Variants in AGPAT4 observed in about 807,000 individuals in gnomAD.
The protein encoded by AGPAT4 is 1-acyl-sn-glycerol-3-phosphate acyltransferase delta.
Under a neutral mutation model 48.0 loss-of-function variants are expected in AGPAT4, and 15 were observed. The ratio of observed to expected loss-of-function variants is 0.31; its 90% CI spans 0.21 to 0.48. The LOEUF is 0.48. AGPAT4 is among the 20% of genes least tolerant of loss of function. AGPAT4 has a pLI of 0.99. For synonymous variants in AGPAT4, 178 were observed against 198.7 expected (o/e 0.90, Z 0.88); for missense variants, 314 against 482.5 (o/e 0.65, Z 3.27).
rs1283386697 is a variant in AGPAT4, at chr6:161,140,123, C to T, written c.844-503G>A. 1.3e-5 allele frequency among the ~76,000 whole-genome samples: 2 copies of T among 152,364 alleles called. No individual in the cohort carries two copies. Among genetic ancestry groups the T allele is most frequent in the Non-Finnish European group, 2.9e-5 (2 of 68,034 alleles). On this transcript the variant is annotated intron_variant, in intron 7 of 8. Transcript: ENST00000320285. The surrounding 1 kb of genome is among the most constrained non-coding windows in gnomAD (Gnocchi z 6.5). Reference sequence around the variant, plus strand: ...ACATGCCCCGCCTTCCCGGCCTCCACAGCCAGTTCACCTCGGGCAGCCCAC... The same window carrying T: ...ACATGCCCCGCCTTCCCGGCCTCCATAGCCAGTTCACCTCGGGCAGCCCAC...
intron 3 of AGPAT4, among the ~76,000 whole-genome samples, chr6:161,163,292 G>A (rs1779990301): frequency 6.6e-6 from 1 of 152,174 alleles, no homozygotes; most frequent in Admixed American, 6.5e-5. Flanking sequence ...GCCTGGTCAG[G>A]AACCTTCTTC....
chr6:161,265,696 G>C (rs1783240205), intron 1 of AGPAT4, among the ~76,000 whole-genome samples: 1 of 152,136 alleles, frequency 6.6e-6, no homozygotes, highest in Admixed American at 6.5e-5. Flanking sequence ...CTTAGCTGGT[G>C]GGTGGGGAGG....
chr6:161,167,768 T>C, intron 2 of AGPAT4, among the ~76,000 whole-genome samples: 1 of 152,224 alleles, frequency 6.6e-6, no homozygotes, highest in Non-Finnish European at 1.5e-5. Context: ...CAGTGAGCAC[T>C]GCGGGACTTT....
At chr6:161,163,510 C>T (rs1386982578) in intron 3 of AGPAT4, among the ~76,000 whole-genome samples, 1 of 152,184 alleles carries the variant, frequency 6.6e-6, no homozygotes, top group Non-Finnish European at 1.5e-5. Context: ...CCAGCCATCT[C>T]ACCCACCGTC....
rs1779076185 is a variant in AGPAT4 at position 161,136,645 on chromosome 6, A to G, written c.1043-11T>C. Reference sequence around the variant, plus strand: ...GAACTCCCACGGAGGCTGCAGAGACAAGGAGAGCAGAGTTAGGAGTAGCCC... The same window carrying G: ...GAACTCCCACGGAGGCTGCAGAGACGAGGAGAGCAGAGTTAGGAGTAGCCC... On this transcript the variant is annotated splice_polypyrimidine_tract_variant and intron_variant, in intron 8 of 8. Transcript: ENST00000320285. 1.9e-6 allele frequency: 3 copies of G among 1,612,928 alleles called. No individual in the cohort carries two copies. The highest frequency in any genetic ancestry group is 1.1e-5 in the South Asian group (1 of 91,068).
Position 161,212,238 on chromosome 6 carries a change from T to A in AGPAT4, c.178+19798A>T, listed in dbSNP as rs1410467173. On this transcript the variant is annotated intron_variant, in intron 2 of 8. Coordinates refer to ENST00000320285, the MANE Select transcript of AGPAT4 (RefSeq NM_020133.3). The surrounding 1 kb of genome is among the most constrained non-coding windows in gnomAD (Gnocchi z 6.1). ...AACAAATTTAAATGACTTTGTGCTA[T>A]TTTTATTAGGGCTTATTGTTTGGAA... Among the ~76,000 whole-genome samples, 2 of 152,214 alleles carry A rather than the reference T, an allele frequency of 1.3e-5. No homozygotes were observed. The highest frequency in any genetic ancestry group is 2.4e-5 in the African/African-American group (1 of 41,458).
intron 2 of AGPAT4, among the ~76,000 whole-genome samples, chr6:161,210,058 C>T (rs1209332016): frequency 6.6e-6 from 1 of 152,136 alleles, no homozygotes; most frequent in South Asian, 2.1e-4. Flanking sequence ...ACTGTAAAAG[C>T]GTCTAACCTC....
intron 2 of AGPAT4, among the ~76,000 whole-genome samples, chr6:161,203,242 G>A (rs1781282383): frequency 6.6e-6 from 1 of 152,124 alleles, no homozygotes; most frequent in Non-Finnish European, 1.5e-5. Flanking sequence ...AGGGCCTAGG[G>A]CTGTGTCTTA....
At chr6:161,167,141 A>C (rs1780123844) in intron 2 of AGPAT4, among the ~76,000 whole-genome samples, 2 of 152,180 alleles carry the variant, frequency 1.3e-5, no homozygotes, top group Admixed American at 1.3e-4. Flanking sequence ...AAACAGTTGA[A>C]TGTGGGTGAT....
rs536937677 is a variant in AGPAT4 at position 161,161,837 on chromosome 6, G to A, written c.348+4411C>T. 8 of 275,918 alleles carry A rather than the reference G, an allele frequency of 2.9e-5. No individual in the cohort carries two copies. Among genetic ancestry groups the A allele is most frequent in the Admixed American group, 8.9e-5 (2 of 22,542 alleles). The allele number at this position is 275,918 out of a possible 1,614,324, so 17.1% of individuals were successfully genotyped here. Reference sequence around the variant, plus strand: ...TCGTTGTCATGATCGAAAATCCTTCGTTTAAAGAGGCAGCACAGGGCTTTA... The same window carrying A: ...TCGTTGTCATGATCGAAAATCCTTCATTTAAAGAGGCAGCACAGGGCTTTA... On this transcript the variant is annotated intron_variant, in intron 3 of 8. Transcript: ENST00000320285. This position sits in a 1 kb window ranked among gnomAD's most constrained non-coding sequence, Gnocchi z 4.6.
At chr6:161,157,890 C>T (rs747748564) in intron 3 of AGPAT4, among the ~76,000 whole-genome samples, 11 of 152,192 alleles carry the variant, frequency 7.2e-5, no homozygotes, top group South Asian at 2.1e-4. Context: ...GACACCCAAT[C>T]CTTCTGAGCT....
rs975832330 is a variant in AGPAT4, at chr6:161,136,347, T to G, written c.*193A>C. The G allele has an allele frequency of 8.6e-6, 5 of 578,050 alleles. No individual in the cohort carries two copies. Among genetic ancestry groups the G allele is most frequent in the Non-Finnish European group, 1.5e-5 (5 of 323,370 alleles). 35.8% of individuals were successfully genotyped at this position (578,050 alleles called of 1,614,324 possible). On this transcript the variant is annotated 3_prime_UTR_variant, in exon 9 of 9. Coordinates refer to ENST00000320285, the MANE Select transcript of AGPAT4 (RefSeq NM_020133.3). ...GAAAACCAAAGCCCACTAAAGCACA[T>G]GGGGAAAAAAAGATTACAAAACATC...
At position 161,270,498 on chromosome 6, in the gene AGPAT4, G is replaced by A. The variant is rs1783390251; in HGVS notation, c.-90+3440C>T. ...GAAATGTGAATGTGGGCCAGGCACG[G>A]TGGCTCACGCCTGTAATCCCAGCAT... On this transcript the variant is annotated intron_variant, in intron 1 of 8. Transcript: ENST00000320285. The surrounding 1 kb of genome is among the most constrained non-coding windows in gnomAD (Gnocchi z 5.3). 6.6e-6 allele frequency among the ~76,000 whole-genome samples: 1 copy of A among 152,206 alleles called. No individual in the cohort carries two copies. The highest frequency in any genetic ancestry group is 1.5e-5 in the Non-Finnish European group (1 of 68,040).
intron 2 of AGPAT4, among the ~76,000 whole-genome samples, chr6:161,173,260 A>G (rs1439565428): frequency 6.6e-6 from 1 of 152,230 alleles, no homozygotes; most frequent in Non-Finnish European, 1.5e-5. Context: ...AGTCCCATCA[A>G]CAGTGTAAAA....
At chr6:161,253,140 G>T (rs966630458) in intron 1 of AGPAT4, among the ~76,000 whole-genome samples, 1 of 150,924 alleles carries the variant, frequency 6.6e-6, no homozygotes, top group African/African-American at 2.4e-5. Flanking sequence ...TTGAACCCCG[G>T]AGGTGGAGGT....
intron 2 of AGPAT4, among the ~76,000 whole-genome samples, chr6:161,230,308 T>C (rs1406410217): frequency 6.6e-6 from 1 of 152,216 alleles, no homozygotes; most frequent in East Asian, 1.9e-4. Context: ...GTAGGGGTTA[T>C]GACAGTAGAA....
In AGPAT4 at chr6:161,242,731, A is replaced by C. The variant is rs1035461428; in HGVS notation, c.-89-10429T>G. The stretch of plus-strand genomic sequence containing the variant: ...AATCCAAACAGAAATGAAAAAAATT[A>C]ATCTTCCAAACAGGGGAAACGTCCA... On this transcript the variant is annotated intron_variant, in intron 1 of 8. Coordinates refer to ENST00000320285, the MANE Select transcript of AGPAT4 (RefSeq NM_020133.3). The surrounding 1 kb of genome is among the most constrained non-coding windows in gnomAD (Gnocchi z 5.0). Among the ~76,000 whole-genome samples, 2 of 152,230 alleles carry C rather than the reference A, an allele frequency of 1.3e-5. No individual in the cohort carries two copies. The highest frequency in any genetic ancestry group is 2.9e-5 in the Non-Finnish European group (2 of 68,040).
intron 2 of AGPAT4, among the ~76,000 whole-genome samples, chr6:161,176,298 T>C (rs2114988472): frequency 6.6e-6 from 1 of 152,332 alleles, no homozygotes; most frequent in East Asian, 1.9e-4. Context: ...TCTAAGGACT[T>C]GCTTTATGAA....
At chr6:161,265,899 A>C (rs934802382) in intron 1 of AGPAT4, among the ~76,000 whole-genome samples, 1 of 152,204 alleles carries the variant, frequency 6.6e-6, no homozygotes, top group Non-Finnish European at 1.5e-5. Flanking sequence ...TTGGTTTACT[A>C]TTATTTTTCA....
Sources: gnomAD v4.1 joint callset for allele counts (sites outside exome capture counted in the v4.1 genomes callset) on GRCh38, gnomAD v4.1.1 for gene constraint, Gnocchi (gnomAD v3.1) non-coding constraint, MANE v1.5 for transcripts, NCBI Gene and HGNC (gene_info 2026-07-23, HGNC 2026-07-21) for gene names.